SRGAP1: variants seen among roughly 807,000 people sequenced by gnomAD.
The protein encoded by SRGAP1 is SLIT-ROBO Rho GTPase-activating protein 1.
SRGAP1 carries 43 observed loss-of-function variants against 121.9 expected under a neutral mutation model. That is an observed-to-expected ratio of 0.35 (90% confidence interval 0.28 to 0.46). The LOEUF is 0.46. Ranked by LOEUF, SRGAP1 falls within the 20% of genes least tolerant of loss-of-function variation. SRGAP1 has a pLI of 1.00. For synonymous variants in SRGAP1, 447 were observed against 485.4 expected, an observed-to-expected ratio of 0.92 and a Z score of 1.04; for missense variants, 1,102 against 1,350.9, an observed-to-expected ratio of 0.82 and a Z score of 2.89.
chr12:64,101,138 A>G (rs1447441863), intron 15 of SRGAP1, among the ~76,000 whole-genome samples: 2 of 152,222 alleles, frequency 1.3e-5, no homozygotes, highest in Non-Finnish European at 2.9e-5. Flanking sequence ...TACCCCTGTC[A>G]TCTTGTAGCA....
intron 4 of SRGAP1, among the ~76,000 whole-genome samples, chr12:64,025,204 T>A (rs2034628299): frequency 6.6e-6 from 1 of 152,106 alleles, no homozygotes; most frequent in Admixed American, 6.5e-5. Flanking sequence ...AAGATGCTGT[T>A]TATTATTTCA....
rs1338916245 is a variant in SRGAP1, at chr12:63,900,879, A to G, written c.67+55996A>G. 2.6e-5 allele frequency among the ~76,000 whole-genome samples: 4 copies of G among 152,206 alleles called. No homozygotes were observed. The East Asian group carries it at 7.7e-4, about 29-fold the overall frequency. On this transcript the variant is annotated intron_variant, in intron 1 of 21. Transcript: ENST00000355086. ...ACTATCAAACCTAAGTAAAAAAACA[A>G]TGTATGCTAAAGAAAAGGTTTATGT...
intron 4 of SRGAP1, among the ~76,000 whole-genome samples, chr12:64,027,030 T>C (rs549835368): frequency 6.6e-6 from 1 of 152,036 alleles, no homozygotes; most frequent in African/African-American, 2.4e-5. Context: ...TAGGTTCTTA[T>C]GAGGTGTGTG....
At chr12:64,047,962 T>C (rs895958442) in intron 6 of SRGAP1, among the ~76,000 whole-genome samples, 1 of 152,190 alleles carries the variant, frequency 6.6e-6, no homozygotes, top group Non-Finnish European at 1.5e-5. Context: ...CTCAAGCATT[T>C]ATCATTTCTT....
intron 18 of SRGAP1, among the ~76,000 whole-genome samples, chr12:64,125,523 C>T (rs1031736987): frequency 1.3e-5 from 2 of 152,074 alleles, no homozygotes; most frequent in Non-Finnish European, 2.9e-5. Flanking sequence ...GCATAAACTT[C>T]CTAATGTTCT....
chr12:64,125,964 G>A lies in SRGAP1; in HGVS notation c.2225-13G>A, dbSNP rs200735896. ...ACCCTGTTTCTCGCTGTTTTCTGGT[G>A]TGTTCGTTGTAGAATGTGAGCCAAT... is the stretch of plus-strand genomic sequence containing the variant. On this transcript the variant is annotated splice_polypyrimidine_tract_variant and intron_variant, in intron 18 of 21. Transcript: ENST00000355086. 2.9e-4 allele frequency: 466 copies of A among 1,612,162 alleles called. 4 individuals are homozygous for A. In the South Asian group the frequency reaches 3.0e-3, roughly 10 times the overall value.
chr12:64,055,802 C>T (rs1248925859), intron 6 of SRGAP1, among the ~76,000 whole-genome samples: 2 of 152,156 alleles, frequency 1.3e-5, no homozygotes, highest in Non-Finnish European at 2.9e-5. Flanking sequence ...CCAGTGTTCA[C>T]TTACCCTTTT....
At chr12:64,042,277 A>G (rs556710634) in intron 4 of SRGAP1, among the ~76,000 whole-genome samples, 3 of 152,250 alleles carry the variant, frequency 2.0e-5, no homozygotes, top group South Asian at 2.1e-4. Context: ...TAAAAAATAT[A>G]TATTACTTTG....
intron 3 of SRGAP1, among the ~76,000 whole-genome samples, chr12:64,013,044 A>G (rs2034297594): frequency 6.6e-6 from 1 of 152,108 alleles, no homozygotes; most frequent in Non-Finnish European, 1.5e-5. Context: ...GGCCTCACTT[A>G]TTGAATTCTG....
intron 1 of SRGAP1, among the ~76,000 whole-genome samples, chr12:63,954,677 C>CAAAAAAAAAAAAAAAAAAAAAA (rs60508657): frequency 9.6e-6 from 1 of 104,608 alleles, no homozygotes; most frequent in African/African-American, 3.6e-5. Flanking sequence ...GACTCCATCT[C>CAAAAAAAAAAAAAAAAAAAAAA]AAAAAAAAAA....
Position 64,158,112 on chromosome 12 carries a change from T to C in SRGAP1, c.*15440T>C, listed in dbSNP as rs967647579. The C allele has an allele frequency of 2.6e-5, 4 of 152,204 alleles. No homozygotes were observed. The highest frequency in any genetic ancestry group is 9.7e-5 in the African/African-American group (4 of 41,440). 9.4% of individuals were successfully genotyped at this position (152,204 alleles called of 1,614,324 possible). On this transcript the variant is annotated 3_prime_UTR_variant, in exon 22 of 22. Transcript: ENST00000355086. ...CGGGCACAGTGGCTCACGCCTATAA[T>C]CCCCACAATTTGGGAGGCTGAGGCA...
chr12:63,918,886 G>A (rs541496268), intron 1 of SRGAP1, among the ~76,000 whole-genome samples: 1 of 152,286 alleles, frequency 6.6e-6, no homozygotes, highest in South Asian at 2.1e-4. Flanking sequence ...TAATGGGAGA[G>A]ACTTAAAATA....
chr12:64,109,173 C>T lies in SRGAP1; in HGVS notation c.1919+136C>T, dbSNP rs542572137. 22 of 489,588 alleles carry T rather than the reference C, an allele frequency of 4.5e-5. No individual in the cohort carries two copies. The Admixed American group carries it at 8.4e-4, about 19-fold the overall frequency. 30.3% of individuals were successfully genotyped at this position (489,588 alleles called of 1,614,324 possible). A position where few individuals can be genotyped will look rare whatever the true frequency, so the allele number is the denominator to read the frequency against. On this transcript the variant is annotated intron_variant, in intron 16 of 21. Coordinates refer to ENST00000355086, the MANE Select transcript of SRGAP1 (RefSeq NM_020762.4). The stretch of plus-strand genomic sequence containing the variant: ...GATTGAATATACATTGAAAAATGTA[C>T]TGAAGGTACATTTTTCCTCAGCAGA...
chr12:64,077,200 T>G (rs1408788287), intron 8 of SRGAP1, among the ~76,000 whole-genome samples: 1 of 151,996 alleles, frequency 6.6e-6, no homozygotes, highest in African/African-American at 2.4e-5. Flanking sequence ...ACCTTCTCAC[T>G]CAACAGGAAC....
chr12:63,869,071 G>A (rs539582088), intron 1 of SRGAP1, among the ~76,000 whole-genome samples: 5 of 152,258 alleles, frequency 3.3e-5, no homozygotes, highest in Admixed American at 1.3e-4. Context: ...TTCCAGATAG[G>A]ATATATATGT....
At chr12:63,909,090 A>G (rs1272614683) in intron 1 of SRGAP1, among the ~76,000 whole-genome samples, 1 of 151,972 alleles carries the variant, frequency 6.6e-6, no homozygotes, top group Non-Finnish European at 1.5e-5. Flanking sequence ...GGGTTTCACC[A>G]TGTTGGCCAG....
chr12:64,056,067 ATTC>A (rs932062445), intron 6 of SRGAP1, among the ~76,000 whole-genome samples: 26 of 152,220 alleles, frequency 1.7e-4, no homozygotes, highest in African/African-American at 6.3e-4. Flanking sequence ...ACATAACAAC[ATTC>A]TTCTTAGTCA....
intron 6 of SRGAP1, among the ~76,000 whole-genome samples, chr12:64,044,775 G>A (rs2035094508): frequency 6.8e-6 from 1 of 145,998 alleles, no homozygotes; most frequent in African/African-American, 2.5e-5. Context: ...CTGCCTCCTG[G>A]GTTCAAGCGA....
At chr12:64,090,084 C>T (rs1437188196) in intron 11 of SRGAP1, among the ~76,000 whole-genome samples, 1 of 152,186 alleles carries the variant, frequency 6.6e-6, no homozygotes, top group Non-Finnish European at 1.5e-5. Flanking sequence ...TACATTAAAA[C>T]ATCCAGAGAC....
Sources: allele counts gnomAD v4.1 joint callset (sites outside exome capture counted in the v4.1 genomes callset), GRCh38; gene constraint gnomAD v4.1.1; transcripts MANE v1.5; gene names NCBI Gene and HGNC (gene_info 2026-07-23, HGNC 2026-07-21).